The following GPC6 variants were observed in gnomAD, a reference collection of about 807,000 sequenced individuals.
The protein encoded by GPC6 is glypican 6, also known as glypican-6.
Under a neutral mutation model 55.2 loss-of-function variants are expected in GPC6, and 14 were observed. That is an observed-to-expected ratio of 0.25 (90% CI 0.17 to 0.40). The LOEUF (loss-of-function observed/expected upper bound fraction) is 0.40. GPC6 is among the 10% of genes least tolerant of loss of function. The pLI is 1.00. For synonymous variants in GPC6, 278 were observed against 259.6 expected (o/e 1.07, Z -0.68); for missense variants, 641 against 708.5 (o/e 0.90, Z 1.08).
chr13:93,379,413 A>G (rs1449451806), intron 1 of GPC6, among the ~76,000 whole-genome samples: 3 of 152,326 alleles, frequency 2.0e-5, no homozygotes, highest in Non-Finnish European at 4.4e-5. Context: ...ACTTAAGCAG[A>G]TGGATGAAAA....
intron 2 of GPC6, among the ~76,000 whole-genome samples, chr13:93,643,196 A>G (rs145569679): frequency 9.5e-4 from 144 of 152,254 alleles, no homozygotes; most frequent in Non-Finnish European, 1.8e-3. Context: ...TTATTCATTC[A>G]TGAATTTCAA....
At chr13:93,445,472 A>G (rs1454134963) in intron 1 of GPC6, among the ~76,000 whole-genome samples, 1 of 152,200 alleles carries the variant, frequency 6.6e-6, no homozygotes, top group East Asian at 1.9e-4. Context: ...GATGTTTTCA[A>G]AGTGAACCAC....
chr13:94,158,505 A>C (rs577889956), intron 4 of GPC6, among the ~76,000 whole-genome samples: 1 of 152,306 alleles, frequency 6.6e-6, no homozygotes, highest in African/African-American at 2.4e-5. Flanking sequence ...AAACATTCCC[A>C]AGGATAAGCA....
At chr13:93,396,727 A>G (rs947122260) in intron 1 of GPC6, among the ~76,000 whole-genome samples, 1 of 152,184 alleles carries the variant, frequency 6.6e-6, no homozygotes, top group African/African-American at 2.4e-5. Flanking sequence ...TACAATGGAA[A>G]TAATATGATT....
chr13:93,943,967 A>T (rs896806982), intron 3 of GPC6, among the ~76,000 whole-genome samples: 6 of 152,132 alleles, frequency 3.9e-5, no homozygotes, highest in African/African-American at 1.4e-4. Flanking sequence ...AATCAGTTAC[A>T]GATCCCACAC....
chr13:94,048,056 A>G (rs1883795416), intron 4 of GPC6, among the ~76,000 whole-genome samples: 1 of 152,074 alleles, frequency 6.6e-6, no homozygotes, highest in South Asian at 2.1e-4. Context: ...TCATGGTAAA[A>G]ATTCCAGGAA....
rs74799565 is a variant in GPC6 at position 94,305,436 on chromosome 13, G to A, written c.1009-544G>A. ...TGCTATAAGACACATTACACATCTT[G>A]TGGTTAGGAAAGCTTGACAGTACTT... On this transcript the variant is annotated intron_variant, in intron 5 of 8. Transcript: ENST00000377047. 5.0e-3 allele frequency among the ~76,000 whole-genome samples: 762 copies of A among 152,320 alleles called. 6 individuals carry two copies. Among genetic ancestry groups the A allele is most frequent in the African/African-American group, 0.017 (726 of 41,572 alleles).
chr13:93,523,780 T>C (rs1881542850), intron 1 of GPC6, among the ~76,000 whole-genome samples: 1 of 152,044 alleles, frequency 6.6e-6, no homozygotes, highest in Non-Finnish European at 1.5e-5. Flanking sequence ...TCTATCAGAA[T>C]TAACTTCCGA....
intron 2 of GPC6, among the ~76,000 whole-genome samples, chr13:93,669,357 A>G (rs1881268853): frequency 1.3e-5 from 2 of 152,218 alleles, no homozygotes; most frequent in African/African-American, 4.8e-5. Context: ...CGGGAAGTCC[A>G]AGTTAAAAAT....
At chr13:94,054,032 A>T (rs1485147233) in intron 4 of GPC6, among the ~76,000 whole-genome samples, 1 of 152,160 alleles carries the variant, frequency 6.6e-6, no homozygotes, top group African/African-American at 2.4e-5. Context: ...CACTCTGCTA[A>T]TAATTAAAAG....
intron 2 of GPC6, among the ~76,000 whole-genome samples, chr13:93,740,794 A>C (rs1461730617): frequency 6.6e-6 from 1 of 152,212 alleles, no homozygotes; most frequent in East Asian, 1.9e-4. Flanking sequence ...AATAAATACA[A>C]GACTCAAACA....
chr13:94,252,059 A>G (rs563563174), intron 4 of GPC6, among the ~76,000 whole-genome samples: 28 of 152,138 alleles, frequency 1.8e-4, no homozygotes, highest in Non-Finnish European at 2.8e-4. Context: ...ACAACTGTGG[A>G]ACTCCTGTCA....
intron 2 of GPC6, among the ~76,000 whole-genome samples, chr13:93,691,914 G>C (rs1452216866): frequency 2.6e-5 from 4 of 152,116 alleles, no homozygotes; most frequent in Admixed American, 6.6e-5. Context: ...AAGTTTTATA[G>C]TTAGAGAGAA....
chr13:93,891,919 A>C lies in GPC6; in HGVS notation c.711+61374A>C, dbSNP rs75985615. On this transcript the variant is annotated intron_variant, in intron 3 of 8. Transcript: ENST00000377047. ...ATAGTGTGTGTATGGGTGTATGTAT[A>C]GAGTGTGAGTATATAGTGTATGCAT... Among the ~76,000 whole-genome samples the C allele has an allele frequency of 7.4e-3, 1,129 of 151,906 alleles. 82 individuals are homozygous for C. In the East Asian group the frequency reaches 0.18, roughly 24 times the overall value.
chr13:93,813,734 A>G (rs554308943), intron 2 of GPC6, among the ~76,000 whole-genome samples: 105 of 151,996 alleles, frequency 6.9e-4, no homozygotes, highest in African/African-American at 2.4e-3. Context: ...TTTACAATTT[A>G]TATATGTATC....
chr13:93,676,458 G>T (rs7338500), intron 2 of GPC6, among the ~76,000 whole-genome samples: 18 of 151,710 alleles, frequency 1.2e-4, no homozygotes, highest in African/African-American at 3.9e-4. Context: ...AAATAAAATG[G>T]TATTAGGATT....
intron 2 of GPC6, among the ~76,000 whole-genome samples, chr13:93,740,182 C>T (rs1884154309): frequency 8.8e-6 from 1 of 113,908 alleles, no homozygotes; most frequent in South Asian, 4.3e-4. Flanking sequence ...ATAGCAACGG[C>T]ACATTGTTCT....
At chr13:93,814,677 T>C (rs1211349648) in intron 2 of GPC6, among the ~76,000 whole-genome samples, 1 of 152,220 alleles carries the variant, frequency 6.6e-6, no homozygotes, top group African/African-American at 2.4e-5. Context: ...ATCTGTCAAG[T>C]GACCCATGAA....
chr13:94,117,403 C>A (rs537752782), intron 4 of GPC6, among the ~76,000 whole-genome samples: 3 of 152,208 alleles, frequency 2.0e-5, no homozygotes, highest in Admixed American at 1.3e-4. Context: ...TTATAACCAA[C>A]TTTTATTATT....
Sources: gnomAD v4.1 joint callset for allele counts (sites outside exome capture counted in the v4.1 genomes callset) on GRCh38, gnomAD v4.1.1 for gene constraint, MANE v1.5 for transcripts, NCBI Gene and HGNC (gene_info 2026-07-23, HGNC 2026-07-21) for gene names.